CRLF1: variants seen among roughly 807,000 people sequenced by gnomAD.
CRLF1 encodes cytokine receptor like factor 1, also known as cytokine receptor-like factor 1.
In CRLF1, 36 loss-of-function variants were observed where a neutral mutation model predicts 48.9. The observed-to-expected ratio is 0.74, with a 90% CI of 0.56 to 0.97. CRLF1 has a LOEUF of 0.97. CRLF1 is among the 50% of genes least tolerant of loss of function. The pLI is 0.00. For missense variants in CRLF1, 534 were observed against 575.1 expected (o/e 0.93, Z 0.73); for synonymous variants, 256 against 253.4 (o/e 1.01, Z -0.10).
intron 1 of CRLF1, among the ~76,000 whole-genome samples, chr19:18,604,021 C>T (rs1976255430): frequency 6.6e-6 from 1 of 152,232 alleles, no homozygotes; most frequent in Non-Finnish European, 1.5e-5. Context: ...CCACCGCTTC[C>T]TGCCTGGGCC....
Position 18,599,777 on chromosome 19 carries a change from A to G in CRLF1, c.185T>C (p.Val62Ala), listed in dbSNP as rs747071986. The G allele has an allele frequency of 6.3e-7, 1 of 1,592,008 alleles. No individual in the cohort carries two copies. Among genetic ancestry groups the G allele is most frequent in the East Asian group, 2.3e-5 (1 of 44,262 alleles). The change falls in exon 2 of 9, where the codon GTG (valine) becomes GCG (alanine). Residue 62 changes from valine to alanine, a missense_variant. Val to Ala is a moderately conservative substitution (Grantham distance 64, BLOSUM62 0). Around this residue, in one of 2 missense-constraint regions of CRLF1, gnomAD observed 528 missense variants for 555.7 expected, o/e 0.95. Transcript: ENST00000392386. Reference protein sequence around the residue: ...IGSSLLATCSVHGDPPGATAE... With the variant: ...IGSSLLATCSAHGDPPGATAE... ...GGTGGCTCCTGGTGGGTCTCCGTGC[A>G]CTGAGCAGGTGGCCAGCAGGGAGGA...
chr19:18,593,870 A>C (rs1031712607), intron 8 of CRLF1, 195 bp downstream of exon 8: 3 of 985,088 alleles, frequency 3.0e-6, no homozygotes, highest in Non-Finnish European at 3.6e-6. Context: ...GAATGTTCTT[A>C]GGCTAAAGGA....
intron 6 of CRLF1, 131 bp downstream of exon 6, chr19:18,596,491 G>T: frequency 8.6e-7 from 1 of 1,164,214 alleles, no homozygotes. Context: ...AGTGAGTGCA[G>T]ATCACACCAC....
intron 1 of CRLF1, among the ~76,000 whole-genome samples, chr19:18,604,166 G>A (rs1464050564): frequency 6.6e-6 from 1 of 152,106 alleles, no homozygotes; most frequent in African/African-American, 2.4e-5. Context: ...TCTCTGGGGG[G>A]TCCTGGCTGG....
chr19:18,595,809 G>A (rs550403334), intron 6 of CRLF1, among the ~76,000 whole-genome samples: 2 of 152,346 alleles, frequency 1.3e-5, no homozygotes, highest in Non-Finnish European at 2.9e-5. Flanking sequence ...CAGACAGCAA[G>A]AGGAAGCAGA....
At chr19:18,599,374 G>A (rs779584027) in intron 2 of CRLF1, among the ~76,000 whole-genome samples, 191 bp downstream of exon 2, 1 of 152,168 alleles carries the variant, frequency 6.6e-6, no homozygotes, top group Non-Finnish European at 1.5e-5. Flanking sequence ...CCAAAGTGCT[G>A]GGCTTACAGA....
chr19:18,603,959 G>A (rs535735211), intron 1 of CRLF1, among the ~76,000 whole-genome samples: 1 of 152,224 alleles, frequency 6.6e-6, no homozygotes, highest in East Asian at 1.9e-4. Flanking sequence ...CCGCTAATTC[G>A]GAATTCCTTT....
chr19:18,602,391 G>A (rs1433418878), intron 1 of CRLF1, among the ~76,000 whole-genome samples: 1 of 152,044 alleles, frequency 6.6e-6, no homozygotes, highest in Non-Finnish European at 1.5e-5. Context: ...GGAGGATCAC[G>A]TGAGGTCAAG....
intron 6 of CRLF1, among the ~76,000 whole-genome samples, chr19:18,595,356 G>A (rs118179986): frequency 0.015 from 2,324 of 152,344 alleles, 29 homozygotes; most frequent in Non-Finnish European, 0.025. Context: ...TGAACCTGGA[G>A]GGGCCCAGGA....
chr19:18,603,994 T>A (rs1480155299), intron 1 of CRLF1, among the ~76,000 whole-genome samples: 2 of 152,126 alleles, frequency 1.3e-5, no homozygotes, highest in Admixed American at 1.3e-4. Flanking sequence ...TGTGCCAGCG[T>A]CTCTGCCCCG....
intron 8 of CRLF1, 22 bp from the exon 9 acceptor site, chr19:18,593,601 A>G: frequency 6.2e-7 from 1 of 1,600,828 alleles, no homozygotes; most frequent in South Asian, 1.1e-5. Context: ...GGGGAAGCCA[A>G]GCTAAGCAGG....
In CRLF1 at chr19:18,596,618, T is replaced by C; in HGVS notation, c.1024+4A>G. 1 of 1,613,800 alleles carries C rather than the reference T, an allele frequency of 6.2e-7. No homozygotes were observed. The highest frequency in any genetic ancestry group is 8.5e-7 in the Non-Finnish European group (1 of 1,179,890). ...GGATCACCCAGCCCTAGGAGGGTGC[T>C]CACCACTGCGGGGAGTGGAGGCGGC... On this transcript the variant is annotated splice_donor_region_variant and intron_variant, in intron 6 of 8. Coordinates refer to ENST00000392386, the MANE Select transcript of CRLF1 (RefSeq NM_004750.5).
At position 18,594,240 on chromosome 19, in the gene CRLF1, T is replaced by C; in HGVS notation, c.1212+7A>G. On this transcript the variant is annotated splice_region_variant and intron_variant, in intron 7 of 8. Coordinates refer to ENST00000392386, the MANE Select transcript of CRLF1 (RefSeq NM_004750.5). Reference sequence around the variant, plus strand: ...CACCCCCACGCCCGAGGGTCCCTCCTTCCTACCTGGTTGCGGGTCTTGTGC... The same window carrying C: ...CACCCCCACGCCCGAGGGTCCCTCCCTCCTACCTGGTTGCGGGTCTTGTGC... The C allele has an allele frequency of 6.2e-7, 1 of 1,606,872 alleles. No homozygotes were observed. Among genetic ancestry groups the C allele is most frequent in the Non-Finnish European group, 8.5e-7 (1 of 1,176,622 alleles).
chr19:18,604,849 T>G (rs1976268713), intron 1 of CRLF1, among the ~76,000 whole-genome samples: 1 of 152,180 alleles, frequency 6.6e-6, no homozygotes, highest in Non-Finnish European at 1.5e-5. Flanking sequence ...TTAAAAGTTT[T>G]TTCTCTCCTC....
intron 8 of CRLF1, 27 bp downstream of exon 8, chr19:18,594,038 C>CCCCCCCCCCAAA: frequency 1.3e-6 from 1 of 791,072 alleles, no homozygotes; most frequent in Non-Finnish European, 2.0e-6. Context: ...TTGCTCCCTC[C>CCCCCCCCCCAAA]CGCCCACCCA....
intron 1 of CRLF1, among the ~76,000 whole-genome samples, chr19:18,602,644 A>G (rs962218907): frequency 2.6e-5 from 4 of 152,022 alleles, no homozygotes; most frequent in Non-Finnish European, 2.9e-5. Context: ...TTAGATTTAA[A>G]TTTATAAAAA....
Position 18,596,528 on chromosome 19 carries a change from A to C in CRLF1, c.1024+94T>G, listed in dbSNP as rs921929891. On this transcript the variant is annotated intron_variant, in intron 6 of 8. Coordinates refer to ENST00000392386, the MANE Select transcript of CRLF1 (RefSeq NM_004750.5). Reference sequence around the variant, plus strand: ...ATGCGACAGAATGAGGCCGTGTCTCAAAAGAAAAAAAAAAGAAAAGAAAAC... The same window carrying C: ...ATGCGACAGAATGAGGCCGTGTCTCCAAAGAAAAAAAAAAGAAAAGAAAAC... The C allele has an allele frequency of 4.0e-6, 6 of 1,482,442 alleles. No homozygotes were observed. The South Asian group carries it at 5.1e-5, about 13-fold the overall frequency. The allele number at this position is 1,482,442 out of a possible 1,614,324, so 91.8% of individuals were successfully genotyped here. A position where few individuals can be genotyped will look rare whatever the true frequency, so the allele number is the denominator to read the frequency against.
At chr19:18,597,115 G>A in intron 4 of CRLF1, 66 bp from the exon 5 acceptor site, 1 of 1,539,732 alleles carries the variant, frequency 6.5e-7, no homozygotes, top group Non-Finnish European at 8.8e-7. Flanking sequence ...CCAGCAGTGT[G>A]GCCCAGGGCA....
intron 8 of CRLF1, 36 bp downstream of exon 8, chr19:18,594,029 T>TTCGTGGGGG: frequency 2.2e-6 from 3 of 1,366,634 alleles, no homozygotes; most frequent in Non-Finnish European, 2.0e-6. Flanking sequence ...GCCCTCCCCT[T>TTCGTGGGGG]GCTCCCTCCC....
Sources: gnomAD v4.1 joint callset for allele counts (sites outside exome capture counted in the v4.1 genomes callset) on GRCh38, gnomAD v4.1.1 for gene constraint, gnomAD v4.1.1 regional missense constraint, MANE v1.5 for transcripts, NCBI Gene and HGNC (gene_info 2026-07-23, HGNC 2026-07-21) for gene names.